Variants in ASH1L observed in about 807,000 individuals in gnomAD.
ASH1L encodes the protein ASH1 like histone lysine methyltransferase, also known as histone-lysine N-methyltransferase ASH1L.
A neutral mutation model predicts 269.0 loss-of-function variants in ASH1L; 23 were observed. The ratio of observed to expected loss-of-function variants is 0.09; its 90% CI spans 0.06 to 0.12. The LOEUF is 0.12. Ranked by LOEUF, ASH1L falls within the 10% of genes least tolerant of loss-of-function variation. The pLI, the probability that ASH1L is intolerant of heterozygous loss-of-function variation, is 1.00. For missense variants in ASH1L, 2,912 were observed against 3,567.8 expected (o/e 0.82, Z 4.68); for synonymous variants, 1,187 against 1,253.5 (o/e 0.95, Z 1.12).
At chr1:155,533,717 C>CA (rs569067721) in intron 1 of ASH1L, among the ~76,000 whole-genome samples, 1,248 of 79,492 alleles carry the variant, frequency 0.016, 17 homozygotes, top group African/African-American at 0.036. Context: ...GACTCCGTCT[C>CA]AAAAAAAAAA....
In ASH1L at chr1:155,482,328, A is replaced by G; in HGVS notation, c.542T>C (p.Val181Ala). 6.2e-7 allele frequency: 1 copy of G among 1,614,176 alleles called. No individual in the cohort carries two copies. The highest frequency in any genetic ancestry group is 2.2e-5 in the East Asian group (1 of 44,884). Residue 181 changes from valine to alanine, a missense_variant, in exon 3 of 28, where the codon GTA becomes GCA. Coordinates refer to ENST00000392403, the MANE Select transcript of ASH1L (RefSeq NM_018489.3). ...AATATAATCTGCCATTTCTGAGTGT[A>G]CTGGAGACAGCTTCTTAGACAAAGG... ...NNPLSKKLSP[V>A]HSEMADYINA...
chr1:155,408,983 T>C (rs1659539472), intron 6 of ASH1L, among the ~76,000 whole-genome samples: 1 of 151,900 alleles, frequency 6.6e-6, no homozygotes. Context: ...CACCAGAAAA[T>C]GTCAGCTAAA....
chr1:155,341,849 G>GTCT, intron 25 of ASH1L, 87 bp downstream of exon 25: 1 of 1,386,778 alleles, frequency 7.2e-7, no homozygotes, highest in South Asian at 1.2e-5. Flanking sequence ...AAGAAGCAGA[G>GTCT]AACTACGTGA....
chr1:155,529,845 C>T (rs974538407), intron 1 of ASH1L, among the ~76,000 whole-genome samples: 2 of 152,018 alleles, frequency 1.3e-5, no homozygotes, highest in African/African-American at 2.4e-5. Context: ...CATCGCCTAC[C>T]AGTCTCCTCA....
intron 12 of ASH1L, among the ~76,000 whole-genome samples, chr1:155,363,459 G>T (rs927847025): frequency 1.3e-5 from 2 of 151,656 alleles, no homozygotes; most frequent in South Asian, 4.2e-4. Context: ...GCCCAGGCTG[G>T]TCTCAAACTC....
At chr1:155,340,777 ATTT>A (rs748634356) in intron 25 of ASH1L, among the ~76,000 whole-genome samples, 2 of 141,374 alleles carry the variant, frequency 1.4e-5, no homozygotes, top group Non-Finnish European at 3.1e-5. Flanking sequence ...TCTATACTTA[ATTT>A]TTTTTTTTTT....
intron 1 of ASH1L, among the ~76,000 whole-genome samples, chr1:155,551,303 T>A (rs551732153): frequency 4.6e-5 from 7 of 152,328 alleles, no homozygotes; most frequent in African/African-American, 1.4e-4. Context: ...TGTCACATAA[T>A]TGATTCACTT....
chr1:155,432,879 G>C (rs1012495912), intron 5 of ASH1L, among the ~76,000 whole-genome samples: 5 of 152,134 alleles, frequency 3.3e-5, no homozygotes, highest in African/African-American at 1.2e-4. Context: ...GGGACCACAG[G>C]CGTGCAACAC....
intron 4 of ASH1L, among the ~76,000 whole-genome samples, chr1:155,451,716 G>GAA (rs543331226): frequency 1.4e-5 from 2 of 146,398 alleles, no homozygotes; most frequent in Non-Finnish European, 3.0e-5. Context: ...GCGAGACTCT[G>GAA]AAAAAAAAAA....
intron 6 of ASH1L, among the ~76,000 whole-genome samples, chr1:155,397,225 G>C (rs536783329): frequency 1.6e-4 from 25 of 152,016 alleles, no homozygotes; most frequent in African/African-American, 5.5e-4. Context: ...GACCGGACAG[G>C]GTGGCTCATG....
At chr1:155,424,941 G>A (rs183078049) in intron 5 of ASH1L, among the ~76,000 whole-genome samples, 60 of 151,470 alleles carry the variant, frequency 4.0e-4, no homozygotes, top group Admixed American at 6.6e-4. Flanking sequence ...GTAGCTGGGA[G>A]TATAGACACC....
Position 155,438,346 on chromosome 1 carries a change from C to A in ASH1L, c.5809G>T (p.Glu1937Ter). ...KKQKPLPEEE[E>*]QENNKSFNEA... ...AATTACCTTTTATTATTCTCTTGCT[C>A]TTCTTCCTCTGGTAATGGCTTCTGC... Residue 1937 changes from glutamate (E) to a stop codon, truncating the protein, a stop_gained, in exon 5 of 28, where the codon GAG (glutamate) becomes TAG (stop). Coordinates refer to ENST00000392403, the MANE Select transcript of ASH1L (RefSeq NM_018489.3). LOFTEE classifies it high-confidence loss of function. 6.4e-7 allele frequency: 1 copy of A among 1,568,264 alleles called. No individual in the cohort carries two copies. Among genetic ancestry groups the A allele is most frequent in the South Asian group, 1.2e-5 (1 of 83,124 alleles).
At chr1:155,413,062 G>A (rs931232965) in intron 6 of ASH1L, among the ~76,000 whole-genome samples, 1 of 152,154 alleles carries the variant, frequency 6.6e-6, no homozygotes, top group African/African-American at 2.4e-5. Context: ...TAGCAGAAAA[G>A]TTGATAATTA....
At chr1:155,422,973 A>G (rs1209991746) in intron 5 of ASH1L, among the ~76,000 whole-genome samples, 20 of 126,906 alleles carry the variant, frequency 1.6e-4, no homozygotes, top group African/African-American at 5.5e-4. Context: ...TTTCAGACGG[A>G]GTCTCGCTTT....
At chr1:155,557,245 C>A (rs756684781) in intron 1 of ASH1L, among the ~76,000 whole-genome samples, 6 of 151,920 alleles carry the variant, frequency 3.9e-5, no homozygotes, top group Non-Finnish European at 7.4e-5. Flanking sequence ...TCTGTCATCA[C>A]TAGAAGTCAT....
At position 155,354,532 on chromosome 1, in the gene ASH1L, G is replaced by A. The variant is rs756819601; in HGVS notation, c.7154C>T (p.Ser2385Leu). The A allele has an allele frequency of 2.9e-5, 47 of 1,613,756 alleles. No individual in the cohort carries two copies. The highest frequency in any genetic ancestry group is 3.9e-5 in the Non-Finnish European group (46 of 1,179,848). ...EVKHTSDNIH[S>L]ASLYTRWNGI... is the part of the protein sequence containing the mutation. The stretch of plus-strand genomic sequence containing the variant: ...ATTCCAACGGGTATATAATGATGCT[G>A]AGTGAATATTATCACTGGTGTGCTT... Residue 2385 changes from serine (S) to leucine (L), a missense_variant, in exon 16 of 28, where the codon TCA becomes TTA. Ser to Leu is a moderately radical substitution (Grantham distance 145). Transcript: ENST00000392403.
intron 13 of ASH1L, 71 bp downstream of exon 13, chr1:155,360,230 C>T (rs1447040001): frequency 3.8e-6 from 4 of 1,058,534 alleles, no homozygotes; most frequent in East Asian, 2.4e-5. Context: ...ATCATGTTTA[C>T]AGAAAGCTCA....
intron 5 of ASH1L, among the ~76,000 whole-genome samples, chr1:155,429,749 T>C (rs751838945): frequency 5.3e-5 from 8 of 152,160 alleles, no homozygotes; most frequent in Non-Finnish European, 1.2e-4. Context: ...TTTATATGGG[T>C]ACGACCTCTA....
intron 6 of ASH1L, among the ~76,000 whole-genome samples, chr1:155,404,545 C>T (rs534304989): frequency 2.0e-5 from 3 of 152,034 alleles, no homozygotes; most frequent in African/African-American, 4.8e-5. Context: ...GATGTGGTGA[C>T]GATGTGAATG....
Sources: allele counts gnomAD v4.1 joint callset (sites outside exome capture counted in the v4.1 genomes callset), GRCh38; gene constraint gnomAD v4.1.1; transcripts MANE v1.5; gene names NCBI Gene and HGNC (gene_info 2026-07-23, HGNC 2026-07-21).